The following TSGA10 variants were observed in gnomAD, a reference collection of about 807,000 sequenced individuals.
TSGA10 encodes testis specific 10.
TSGA10 carries 43 observed loss-of-function variants against 96.6 expected under a neutral mutation model. The ratio of observed to expected loss-of-function variants is 0.44; its 90% CI spans 0.35 to 0.57. The LOEUF is 0.57. Ranked by LOEUF, TSGA10 falls within the 20% of genes least tolerant of loss-of-function variation. TSGA10 has a pLI of 0.01. For missense variants in TSGA10, 703 were observed against 834.4 expected (o/e 0.84, Z 1.94); for synonymous variants, 229 against 269.9 (o/e 0.85, Z 1.48).
chr2:99,118,157 T>A (rs1439316918), intron 3 of TSGA10, among the ~76,000 whole-genome samples: 1 of 151,946 alleles, frequency 6.6e-6, no homozygotes, highest in Non-Finnish European at 1.5e-5. Flanking sequence ...TTAAAATATA[T>A]TAACTCTTTT....
intron 20 of TSGA10, among the ~76,000 whole-genome samples, chr2:99,013,414 G>A (rs943967150): frequency 6.6e-6 from 1 of 151,956 alleles, no homozygotes; most frequent in Non-Finnish European, 1.5e-5. Flanking sequence ...CTCACTGCAA[G>A]CTCCACCCCC....
At position 99,097,832 on chromosome 2, in the gene TSGA10, G is replaced by C. The variant is rs188069070; in HGVS notation, c.611+6135C>G. On this transcript the variant is annotated intron_variant, in intron 10 of 20. Coordinates refer to ENST00000393483, the MANE Select transcript of TSGA10 (RefSeq NM_025244.4). ...TTGTGAAAGATGTCTAAAACATAAG[G>C]ACACTGAAAGGTTGACAGCAAAAGA... Among the ~76,000 whole-genome samples the C allele has an allele frequency of 1.1e-4, 16 of 152,116 alleles. No individual in the cohort carries two copies. The East Asian group carries it at 2.5e-3, about 24-fold the overall frequency.
chr2:99,000,940 G>A (rs2104778467), intron 20 of TSGA10, among the ~76,000 whole-genome samples: 1 of 152,306 alleles, frequency 6.6e-6, no homozygotes, highest in Non-Finnish European at 1.5e-5. Flanking sequence ...CACCATTGCT[G>A]AGGCTTGATT....
chr2:99,019,039 T>C (rs2079780786), intron 18 of TSGA10, among the ~76,000 whole-genome samples: 2 of 152,132 alleles, frequency 1.3e-5, no homozygotes, highest in Non-Finnish European at 2.9e-5. Flanking sequence ...TATGGTCTGT[T>C]TTATATATAT....
At chr2:99,059,850 G>C (rs551120300) in intron 16 of TSGA10, among the ~76,000 whole-genome samples, 23 of 149,220 alleles carry the variant, frequency 1.5e-4, no homozygotes, top group African/African-American at 5.0e-4. Flanking sequence ...GGAGGCGAAG[G>C]CTGCAGTGAG....
At chr2:99,078,973 G>A in intron 11 of TSGA10, 160 bp from the exon 12 acceptor site, 1 of 505,712 alleles carries the variant, frequency 2.0e-6, no homozygotes. Flanking sequence ...AAATTTTTTT[G>A]GTTAAAAACT....
At chr2:99,138,636 C>G (rs13018891) in intron 1 of TSGA10, among the ~76,000 whole-genome samples, 91,004 of 152,034 alleles carry the variant, frequency 0.6, 28,014 homozygotes, top group East Asian at 0.88. Context: ...AAGAGAGGTA[C>G]AACAAAGGTG....
intron 20 of TSGA10, among the ~76,000 whole-genome samples, chr2:99,017,217 C>T (rs1257072998): frequency 1.3e-5 from 2 of 152,160 alleles, no homozygotes; most frequent in African/African-American, 4.8e-5. Context: ...ATGTTTGTAG[C>T]AGCATAATTT....
At chr2:99,005,698 G>A (rs1184104883) in intron 20 of TSGA10, among the ~76,000 whole-genome samples, 13 of 152,090 alleles carry the variant, frequency 8.5e-5, no homozygotes, top group African/African-American at 2.7e-4. Context: ...AATCAATATC[G>A]TGAAAATGGC....
chr2:99,145,689 C>T (rs899414624), intron 1 of TSGA10, among the ~76,000 whole-genome samples: 1 of 152,194 alleles, frequency 6.6e-6, no homozygotes, highest in East Asian at 1.9e-4. Flanking sequence ...AACATAGTCC[C>T]AGCTTCTGGG....
intron 17 of TSGA10, among the ~76,000 whole-genome samples, chr2:99,022,745 A>T (rs1386215444): frequency 6.6e-6 from 1 of 152,176 alleles, no homozygotes; most frequent in Non-Finnish European, 1.5e-5. Flanking sequence ...AATTTTTAAC[A>T]TTTTGAGGAA....
intron 16 of TSGA10, among the ~76,000 whole-genome samples, chr2:99,063,304 G>T (rs1306449675): frequency 1.3e-5 from 2 of 152,016 alleles, no homozygotes; most frequent in Non-Finnish European, 2.9e-5. Flanking sequence ...TATCTCTCTG[G>T]CCTTGGGATT....
At chr2:99,104,553 C>T (rs1244051719) in intron 9 of TSGA10, among the ~76,000 whole-genome samples, 1 of 151,962 alleles carries the variant, frequency 6.6e-6, no homozygotes, top group African/African-American at 2.4e-5. Flanking sequence ...CGGCTCACTG[C>T]AATCTCCACC....
At chr2:99,020,847 T>TGGA (rs1340480777) in intron 17 of TSGA10, among the ~76,000 whole-genome samples, 2 of 151,872 alleles carry the variant, frequency 1.3e-5, no homozygotes, top group African/African-American at 4.8e-5. Context: ...GCTTATAGAA[T>TGGA]GTCATTGGAC....
chr2:99,071,383 T>TA (rs76060963), intron 14 of TSGA10, among the ~76,000 whole-genome samples: 50,569 of 150,044 alleles, frequency 0.34, 9,681 homozygotes, highest in African/African-American at 0.53. Flanking sequence ...TCCATTTTTT[T>TA]AAAAAAAAAA....
At chr2:99,012,339 C>T (rs1437204985) in intron 20 of TSGA10, among the ~76,000 whole-genome samples, 3 of 152,064 alleles carry the variant, frequency 2.0e-5, no homozygotes, top group Admixed American at 6.5e-5. Flanking sequence ...CATCTTAATA[C>T]TAATGTTGAA....
chr2:99,065,539 C>T (rs528017354), intron 15 of TSGA10, among the ~76,000 whole-genome samples: 109 of 152,250 alleles, frequency 7.2e-4, no homozygotes, highest in African/African-American at 2.5e-3. Flanking sequence ...ACCAATTTAC[C>T]GGGCTGTGCT....
chr2:99,089,086 G>T (rs1247922682), intron 10 of TSGA10, among the ~76,000 whole-genome samples: 1 of 152,156 alleles, frequency 6.6e-6, no homozygotes, highest in Non-Finnish European at 1.5e-5. Context: ...GCCCAAAGTG[G>T]GAAAGTGGGA....
intron 10 of TSGA10, among the ~76,000 whole-genome samples, chr2:99,091,767 T>C (rs2089380813): frequency 6.6e-6 from 1 of 152,110 alleles, no homozygotes; most frequent in Non-Finnish European, 1.5e-5. Context: ...ATCTTAAATA[T>C]AGAACAGTTA....
Sources: allele counts gnomAD v4.1 joint callset (sites outside exome capture counted in the v4.1 genomes callset), GRCh38; gene constraint gnomAD v4.1.1; transcripts MANE v1.5; gene names NCBI Gene and HGNC (gene_info 2026-07-23, HGNC 2026-07-21).